Variants in LAMA1 observed in about 807,000 individuals in gnomAD.
LAMA1 encodes the protein laminin subunit alpha 1, also known as laminin subunit alpha-1.
LAMA1 carries 219 observed loss-of-function variants against 348.7 expected under a neutral mutation model. The ratio of observed to expected loss-of-function variants is 0.63; its 90% CI spans 0.56 to 0.70. The LOEUF is 0.70. Ranked by LOEUF, LAMA1 falls within the 30% of genes least tolerant of loss-of-function variation. The pLI is 0.00. For missense variants in LAMA1, 3,744 were observed against 3,888.0 expected, an observed-to-expected ratio of 0.96 and a Z score of 0.99; for synonymous variants, 1,487 against 1,491.0, an observed-to-expected ratio of 1.00 and a Z score of 0.06.
intron 32 of LAMA1, 73 bp downstream of exon 32, chr18:6,999,372 G>GC: frequency 6.9e-7 from 1 of 1,445,304 alleles, no homozygotes; most frequent in Non-Finnish European, 9.7e-7. Flanking sequence ...ACTTTAGCGT[G>GC]CCGTCACCAC....
At chr18:7,109,950 A>G (rs1175796165) in intron 1 of LAMA1, among the ~76,000 whole-genome samples, 4 of 152,168 alleles carry the variant, frequency 2.6e-5, no homozygotes, top group East Asian at 3.9e-4. Context: ...TTGGGAGGCC[A>G]AGGCGGGTGG....
In LAMA1 at chr18:7,026,071, C is replaced by T. The variant is rs746026040; in HGVS notation, c.2310G>A (p.Glu770=). ...CCCCGTAGAAGCCGGGCAAGCACTG[C>T]TCACAGTGGACGCCGGTGGTGTTGT... ...CAHNTTGVHC[E]QCLPGFYGEP... Residue 770 remains glutamate, a synonymous_variant, in exon 17 of 63, where the codon GAG becomes GAA. Coordinates refer to ENST00000389658, the MANE Select transcript of LAMA1 (RefSeq NM_005559.4). The T allele has an allele frequency of 1.4e-5, 23 of 1,611,372 alleles. No individual in the cohort carries two copies. The highest frequency in any genetic ancestry group is 2.0e-5 in the Non-Finnish European group (23 of 1,178,710).
chr18:6,988,664 G>A lies in LAMA1; in HGVS notation c.5169-2317C>T, dbSNP rs370922771. The stretch of plus-strand genomic sequence containing the variant: ...AAATACAAAATTACAAAAATTAGCC[G>A]GGCATGATGGTAGGTGCCCGTAATC... On this transcript the variant is annotated intron_variant, in intron 36 of 62. Transcript: ENST00000389658. 7.4e-4 allele frequency among the ~76,000 whole-genome samples: 113 copies of A among 151,910 alleles called. 2 individuals are homozygous for A. The highest frequency in any genetic ancestry group is 2.3e-3 in the African/African-American group (97 of 41,430).
chr18:6,969,319 G>A (rs1314454222), intron 48 of LAMA1, among the ~76,000 whole-genome samples: 1 of 152,086 alleles, frequency 6.6e-6, no homozygotes. Context: ...GATTACAGGC[G>A]TGACCCTCAC....
intron 29 of LAMA1, 25 bp from the exon 30 acceptor site, chr18:7,002,410 G>T: frequency 6.2e-7 from 1 of 1,609,548 alleles, no homozygotes; most frequent in South Asian, 1.1e-5. Context: ...TTAAAGGAAG[G>T]GGGAAAAAAT....
intron 46 of LAMA1, among the ~76,000 whole-genome samples, chr18:6,973,587 G>T (rs908992190): frequency 1.3e-5 from 2 of 152,102 alleles, no homozygotes; most frequent in South Asian, 4.1e-4. Context: ...ATTTTAAAAA[G>T]AAGAATTTTG....
At chr18:7,117,469 G>A (rs1183032401) in intron 1 of LAMA1, among the ~76,000 whole-genome samples, 191 bp downstream of exon 1, 1 of 152,106 alleles carries the variant, frequency 6.6e-6, no homozygotes, top group Non-Finnish European at 1.5e-5. Context: ...GCAGCGTCCG[G>A]CAGGAGCGGC....
intron 44 of LAMA1, among the ~76,000 whole-genome samples, chr18:6,977,087 T>C (rs1438809120): frequency 6.6e-6 from 1 of 152,156 alleles, no homozygotes; most frequent in African/African-American, 2.4e-5. Context: ...GCATTCATCC[T>C]CTCGAAGTCC....
At chr18:7,110,345 CAGAAAA>C (rs2058330953) in intron 1 of LAMA1, among the ~76,000 whole-genome samples, 1 of 151,852 alleles carries the variant, frequency 6.6e-6, no homozygotes, top group Admixed American at 6.6e-5. Flanking sequence ...TAAGGGGATA[CAGAAAA>C]AGAAAAACAG....
At chr18:7,084,396 G>C (rs1470707020) in intron 1 of LAMA1, among the ~76,000 whole-genome samples, 1 of 152,170 alleles carries the variant, frequency 6.6e-6, no homozygotes, top group Non-Finnish European at 1.5e-5. Context: ...ATCAAGGGTA[G>C]AACGAGGACT....
At chr18:7,098,274 G>C (rs1363497228) in intron 1 of LAMA1, among the ~76,000 whole-genome samples, 1 of 152,080 alleles carries the variant, frequency 6.6e-6, no homozygotes, top group Non-Finnish European at 1.5e-5. Context: ...CTGCCACCCC[G>C]TCTGGGAAGT....
chr18:7,033,940 T>C (rs1011731416), intron 14 of LAMA1, among the ~76,000 whole-genome samples: 2 of 152,104 alleles, frequency 1.3e-5, no homozygotes, highest in African/African-American at 4.8e-5. Context: ...TTCACCATGT[T>C]GGCCAGGCTG....
In LAMA1 at chr18:6,943,258, C is replaced by T. The variant is rs777813445; in HGVS notation, c.8989G>A (p.Ala2997Thr). Residue 2997 changes from alanine to threonine, a missense_variant, in exon 62 of 63, where the codon GCA becomes ACA. Ala to Thr is a moderately conservative substitution (Grantham distance 58, BLOSUM62 0). Transcript: ENST00000389658. The part of the protein sequence containing the change: ...HRITLIVDGN[A>T]VGAESPHTQS... ...GTGTGTGGACTTTCAGCGCCAACTG[C>T]GTTCCCGTCAACAATCAGAGTGATA... 2.7e-5 allele frequency: 43 copies of T among 1,614,078 alleles called. No individual in the cohort carries two copies. The highest frequency in any genetic ancestry group is 3.1e-5 in the Non-Finnish European group (36 of 1,180,064).
Position 7,002,312 on chromosome 18 carries a change from G to C in LAMA1, c.4334C>G (p.Ser1445Ter). ...TSGYYGKVTG[S>*]ASDCALCACP... is the part of the protein sequence containing the mutation. ...GGCACACAGAGCACAGTCACTTGCT[G>C]AGCCAGTCACCTTCCCGTAGTAGCC... is the stretch of plus-strand genomic sequence containing the variant. The change falls in exon 30 of 63, where the codon TCA becomes TGA. Residue 1445 changes from serine to a stop codon, truncating the protein, a stop_gained. Transcript: ENST00000389658. LOFTEE classifies it high-confidence loss of function. The C allele has an allele frequency of 1.2e-6, 2 of 1,613,556 alleles. No individual in the cohort carries two copies. Among genetic ancestry groups the C allele is most frequent in the Non-Finnish European group, 1.7e-6 (2 of 1,180,000 alleles).
intron 36 of LAMA1, among the ~76,000 whole-genome samples, chr18:6,988,805 C>CAAAAAAAAA (rs1270007682): frequency 3.3e-5 from 1 of 30,686 alleles, no homozygotes; most frequent in Non-Finnish European, 6.0e-5. Context: ...GACTCCGTCT[C>CAAAAAAAAA]AATAAAAAAA....
In LAMA1 at chr18:7,028,663, G is replaced by A. The variant is rs116486271; in HGVS notation, c.2275-2557C>T. On this transcript the variant is annotated intron_variant, in intron 16 of 62. Coordinates refer to ENST00000389658, the MANE Select transcript of LAMA1 (RefSeq NM_005559.4). Reference sequence around the variant, plus strand: ...GACGAAATCATAGATTTATACCAGCGAATGAAGAGCACTGGAAATGGTACA... The same window carrying A: ...GACGAAATCATAGATTTATACCAGCAAATGAAGAGCACTGGAAATGGTACA... Among the ~76,000 whole-genome samples the A allele has an allele frequency of 2.6e-3, 401 of 152,310 alleles. 4 individuals carry two copies. The highest frequency in any genetic ancestry group is 9.1e-3 in the African/African-American group (377 of 41,566).
chr18:6,967,254 C>G (rs2057637375), intron 48 of LAMA1, among the ~76,000 whole-genome samples: 2 of 152,206 alleles, frequency 1.3e-5, no homozygotes, highest in Admixed American at 1.3e-4. Context: ...AAATTTCCAT[C>G]ATGTGGTCTC....
intron 22 of LAMA1, among the ~76,000 whole-genome samples, chr18:7,015,092 C>G (rs1396250906): frequency 6.6e-6 from 1 of 152,182 alleles, no homozygotes; most frequent in African/African-American, 2.4e-5. Context: ...TTGTGATCTG[C>G]CCACCTCGGT....
intron 1 of LAMA1, among the ~76,000 whole-genome samples, chr18:7,098,718 G>T (rs1333612296): frequency 8.3e-5 from 12 of 145,232 alleles, no homozygotes; most frequent in Admixed American, 6.1e-4. Flanking sequence ...GGAGGGAGGT[G>T]GGGGGGTCAG....
Sources: allele counts gnomAD v4.1 joint callset (sites outside exome capture counted in the v4.1 genomes callset), GRCh38; gene constraint gnomAD v4.1.1; transcripts MANE v1.5; gene names NCBI Gene and HGNC (gene_info 2026-07-23, HGNC 2026-07-21).